Variants in GPC5 observed in about 807,000 individuals in gnomAD.
The protein encoded by GPC5 is glypican 5.
GPC5 carries 47 observed loss-of-function variants against 53.9 expected under a neutral mutation model. That is an observed-to-expected ratio of 0.87 (90% CI 0.69 to 1.11). The LOEUF (loss-of-function observed/expected upper bound fraction) is 1.11, where lower values mean the gene tolerates loss of function less well. GPC5 is among the 50% of genes most tolerant of loss of function. The probability of loss-of-function intolerance (pLI) is 0.00; values close to 1 mark genes in which losing one functional copy is unlikely to be tolerated. For missense variants in GPC5, 748 were observed against 713.1 expected, an observed-to-expected ratio of 1.05 and a Z score of -0.56; for synonymous variants, 286 against 263.3, an observed-to-expected ratio of 1.09 and a Z score of -0.84.
chr13:92,658,946 T>A (rs1886237014), intron 7 of GPC5: 1 of 128,080 alleles, frequency 7.8e-6, no homozygotes, highest in African/African-American at 2.8e-5. Flanking sequence ...TTTTTTTTTT[T>A]GAGACGGAGT....
intron 4 of GPC5, among the ~76,000 whole-genome samples, chr13:91,750,442 T>C (rs2037146997): frequency 6.6e-6 from 1 of 152,182 alleles, no homozygotes; most frequent in Admixed American, 6.5e-5. Context: ...ATGATCCTAA[T>C]TTTAACGGCA....
intron 2 of GPC5, among the ~76,000 whole-genome samples, chr13:91,491,538 A>G (rs981649629): frequency 6.6e-6 from 1 of 152,164 alleles, no homozygotes; most frequent in African/African-American, 2.4e-5. Flanking sequence ...TATTCCTTTC[A>G]ATAACAAATC....
intron 7 of GPC5, among the ~76,000 whole-genome samples, chr13:92,797,946 G>C (rs1042812402): frequency 6.6e-6 from 1 of 151,856 alleles, no homozygotes; most frequent in East Asian, 1.9e-4. Flanking sequence ...TGATAGAGCA[G>C]AGTCTAGAAT....
At chr13:92,493,903 T>C (rs1879860326) in intron 7 of GPC5, among the ~76,000 whole-genome samples, 1 of 152,232 alleles carries the variant, frequency 6.6e-6, no homozygotes, top group Admixed American at 6.5e-5. Flanking sequence ...GACATTGTTA[T>C]ATACTATGAA....
intron 7 of GPC5, among the ~76,000 whole-genome samples, chr13:92,405,822 G>A (rs747571444): frequency 7.9e-5 from 12 of 152,122 alleles, no homozygotes; most frequent in African/African-American, 2.7e-4. Flanking sequence ...GAAATCACAC[G>A]TTTATTGGAA....
At chr13:91,867,067 T>C (rs2039092934) in intron 5 of GPC5, among the ~76,000 whole-genome samples, 1 of 152,138 alleles carries the variant, frequency 6.6e-6, no homozygotes, top group African/African-American at 2.4e-5. Context: ...AATACAAAGT[T>C]AGCTGGGCAT....
chr13:91,497,546 A>G (rs1011681493), intron 2 of GPC5, among the ~76,000 whole-genome samples: 2 of 152,186 alleles, frequency 1.3e-5, no homozygotes, highest in Admixed American at 6.6e-5. Flanking sequence ...TAATTGGGGT[A>G]TATACTCACC....
At chr13:92,505,591 C>T (rs1880337616) in intron 7 of GPC5, among the ~76,000 whole-genome samples, 1 of 152,008 alleles carries the variant, frequency 6.6e-6, no homozygotes, top group Non-Finnish European at 1.5e-5. Flanking sequence ...CCATATGGCC[C>T]AGCAATCCCA....
Position 91,571,896 on chromosome 13 carries a change from T to TACGTGTGTGTATAC in GPC5, c.326-121289_326-121288insGTGTGTGTATACAC, listed in dbSNP as rs1566516072. On this transcript the variant is annotated intron_variant, in intron 2 of 7. Transcript: ENST00000377067. The stretch of plus-strand genomic sequence containing the variant: ...ATATACACACATATACGTGTGTATA[T>TACGTGTGTGTATAC]ACACATATTGTATATATACACATAT... Among the ~76,000 whole-genome samples, 30 of 76,018 alleles carry TACGTGTGTGTATAC rather than the reference T, an allele frequency of 3.9e-4. 5 individuals carry two copies. Among genetic ancestry groups the TACGTGTGTGTATAC allele is most frequent in the Admixed American group, 6.8e-4 (5 of 7,394 alleles). 49.9% of individuals were successfully genotyped at this position (76,018 alleles called of 152,430 possible).
chr13:91,708,573 G>T (rs2036158512), intron 3 of GPC5, among the ~76,000 whole-genome samples: 1 of 151,860 alleles, frequency 6.6e-6, no homozygotes, highest in African/African-American at 2.4e-5. Flanking sequence ...TTTTGGAGGG[G>T]GTAACAAAAA....
At chr13:91,705,782 A>G (rs1267884740) in intron 3 of GPC5, among the ~76,000 whole-genome samples, 2 of 151,770 alleles carry the variant, frequency 1.3e-5, no homozygotes, top group Non-Finnish European at 2.9e-5. Context: ...AAAACCTGAA[A>G]AGAATGAAAA....
At chr13:92,768,667 C>T (rs1158759181) in intron 7 of GPC5, among the ~76,000 whole-genome samples, 3 of 151,974 alleles carry the variant, frequency 2.0e-5, no homozygotes, top group Non-Finnish European at 2.9e-5. Context: ...GTTATTTGCA[C>T]CATCATTCTG....
intron 1 of GPC5, among the ~76,000 whole-genome samples, chr13:91,402,893 T>C (rs1014844743): frequency 6.6e-6 from 1 of 152,240 alleles, no homozygotes; most frequent in Non-Finnish European, 1.5e-5. Flanking sequence ...ATATTTTGTT[T>C]ATTTTTGTGA....
intron 5 of GPC5, among the ~76,000 whole-genome samples, chr13:91,766,809 G>A (rs1322152645): frequency 2.0e-5 from 3 of 152,104 alleles, no homozygotes; most frequent in Non-Finnish European, 4.4e-5. Flanking sequence ...GCAGTGAGCC[G>A]AGACTGCACC....
chr13:92,771,638 C>A (rs1222367603), intron 7 of GPC5, among the ~76,000 whole-genome samples: 2 of 152,022 alleles, frequency 1.3e-5, no homozygotes, highest in African/African-American at 4.8e-5. Context: ...CCACTGTGCC[C>A]CGCCCTTATC....
chr13:92,322,033 A>G (rs2043219256), intron 7 of GPC5, among the ~76,000 whole-genome samples: 1 of 152,170 alleles, frequency 6.6e-6, no homozygotes, highest in Non-Finnish European at 1.5e-5. Flanking sequence ...AATGCATGAC[A>G]TATAAGCCAA....
chr13:92,086,721 C>A (rs1343147874), intron 6 of GPC5, among the ~76,000 whole-genome samples: 1 of 151,756 alleles, frequency 6.6e-6, no homozygotes, highest in Non-Finnish European at 1.5e-5. Flanking sequence ...TGCAGTGGAG[C>A]AATCTTGGCT....
chr13:91,472,016 G>A (rs1489713963), intron 2 of GPC5, among the ~76,000 whole-genome samples: 1 of 152,018 alleles, frequency 6.6e-6, no homozygotes, highest in Non-Finnish European at 1.5e-5. Flanking sequence ...AGCTTTAAAT[G>A]TCCTCTATAA....
At chr13:92,038,165 A>G (rs1237387002) in intron 6 of GPC5, among the ~76,000 whole-genome samples, 1 of 152,006 alleles carries the variant, frequency 6.6e-6, no homozygotes, top group Non-Finnish European at 1.5e-5. Flanking sequence ...TATTAGAGAA[A>G]GAGAGGAATT....
Sources: allele counts gnomAD v4.1 joint callset (sites outside exome capture counted in the v4.1 genomes callset), GRCh38; gene constraint gnomAD v4.1.1; transcripts MANE v1.5; gene names NCBI Gene and HGNC (gene_info 2026-07-23, HGNC 2026-07-21).